Variants in SSH2 observed in about 807,000 individuals in gnomAD.
SSH2 encodes protein phosphatase Slingshot homolog 2.
Under a neutral mutation model 135.2 loss-of-function variants are expected in SSH2, and 37 were observed. The ratio of observed to expected loss-of-function variants is 0.27; its 90% confidence interval spans 0.21 to 0.36. The LOEUF is 0.36. SSH2 is among the 10% of genes least tolerant of loss of function. SSH2 has a pLI of 1.00. For missense variants in SSH2, 1,408 were observed against 1,765.3 expected (o/e 0.80, Z 3.63); for synonymous variants, 628 against 646.2 (o/e 0.97, Z 0.43).
chr17:29,926,251 A>C (rs1457320288), intron 1 of SSH2, among the ~76,000 whole-genome samples: 1 of 151,968 alleles, frequency 6.6e-6, no homozygotes, highest in African/African-American at 2.4e-5. Flanking sequence ...CAATTTTCTT[A>C]AAATAGGCCA....
At chr17:29,925,719 TAAAG>T (rs2067052679) in intron 1 of SSH2, among the ~76,000 whole-genome samples, 2 of 148,946 alleles carry the variant, frequency 1.3e-5, no homozygotes, top group African/African-American at 5.0e-5. Context: ...AAAAAAAAAA[TAAAG>T]GAAAGAAAGA....
chr17:29,926,648 T>G (rs542191040), intron 1 of SSH2, among the ~76,000 whole-genome samples: 13 of 152,000 alleles, frequency 8.6e-5, no homozygotes, highest in Non-Finnish European at 1.9e-4. Context: ...AAGTTCAAAC[T>G]CCAAACTCCC....
At chr17:29,772,604 G>A (rs370380985) in intron 3 of SSH2, among the ~76,000 whole-genome samples, 1 of 152,056 alleles carries the variant, frequency 6.6e-6, no homozygotes, top group East Asian at 1.9e-4. Context: ...AGAGAAGATT[G>A]GCATGTGAGT....
At chr17:29,640,509 C>T (rs1259633203) in intron 14 of SSH2, among the ~76,000 whole-genome samples, 1 of 152,100 alleles carries the variant, frequency 6.6e-6, no homozygotes, top group East Asian at 1.9e-4. Context: ...GTGTAACCAG[C>T]AGGGATTTCC....
intron 3 of SSH2, chr17:29,761,294 G>T: frequency 7.8e-7 from 1 of 1,278,354 alleles, no homozygotes; most frequent in Non-Finnish European, 1.0e-6. Flanking sequence ...GGCTCAAAGT[G>T]CACAACTCCG....
intron 1 of SSH2, among the ~76,000 whole-genome samples, chr17:29,892,356 A>G (rs1029186666): frequency 2.0e-5 from 3 of 151,788 alleles, no homozygotes; most frequent in Admixed American, 1.3e-4. Context: ...GGTGTGGATG[A>G]GGGTGTTGCT....
At chr17:29,892,642 A>T (rs911547758) in intron 1 of SSH2, among the ~76,000 whole-genome samples, 12 of 152,116 alleles carry the variant, frequency 7.9e-5, no homozygotes, top group African/African-American at 2.9e-4. Flanking sequence ...TTTGTAAATT[A>T]AAATAAAATA....
chr17:29,823,536 C>T, intron 2 of SSH2, among the ~76,000 whole-genome samples: 1 of 152,064 alleles, frequency 6.6e-6, no homozygotes, highest in South Asian at 2.1e-4. Context: ...CATCGAACTC[C>T]AGGGTACCTC....
chr17:29,820,389 T>G (rs1278635321), intron 2 of SSH2, among the ~76,000 whole-genome samples: 1 of 152,206 alleles, frequency 6.6e-6, no homozygotes, highest in Non-Finnish European at 1.5e-5. Context: ...ATGGGACATG[T>G]CCATTCATTC....
chr17:29,692,436 A>G (rs1017981012), intron 5 of SSH2, among the ~76,000 whole-genome samples: 5 of 152,220 alleles, frequency 3.3e-5, no homozygotes, highest in African/African-American at 1.2e-4. Context: ...TTGTCATTTG[A>G]ACTTTGAATT....
intron 3 of SSH2, among the ~76,000 whole-genome samples, chr17:29,781,168 C>T (rs1432752919): frequency 1.3e-5 from 2 of 152,146 alleles, no homozygotes; most frequent in Non-Finnish European, 2.9e-5. Flanking sequence ...TTAATATAGT[C>T]TTTAACTAGA....
intron 3 of SSH2, among the ~76,000 whole-genome samples, chr17:29,730,229 GGA>G (rs1230842011): frequency 1.3e-5 from 2 of 151,248 alleles, no homozygotes; most frequent in East Asian, 3.9e-4. Flanking sequence ...GGCTGAGGCG[GGA>G]GGACTGCTTG....
Position 29,636,822 on chromosome 17 carries a change from G to T in SSH2, c.1428-20C>A. 1 of 1,513,358 alleles carries T rather than the reference G, an allele frequency of 6.6e-7. No homozygotes were observed. The highest frequency in any genetic ancestry group is 9.1e-7 in the Non-Finnish European group (1 of 1,103,594). The allele number at this position is 1,513,358 out of a possible 1,614,324, so 93.7% of individuals were successfully genotyped here. ...TGTTTGCTGTGGAGGACATACACAG[G>T]AAGTATCTTAATCTGGTTTGTAAAG... is the stretch of plus-strand genomic sequence containing the variant. On this transcript the variant is annotated intron_variant, in intron 14 of 15. Coordinates refer to ENST00000540801, the MANE Select transcript of SSH2 (RefSeq NM_001282129.2).
chr17:29,677,535 T>A, intron 7 of SSH2, 138 bp downstream of exon 7: 2 of 722,160 alleles, frequency 2.8e-6, no homozygotes, highest in East Asian at 2.5e-5. Flanking sequence ...AAAACAGGAG[T>A]TTAAAAGGAC....
At chr17:29,723,754 C>T (rs534142632) in intron 3 of SSH2, among the ~76,000 whole-genome samples, 3 of 152,222 alleles carry the variant, frequency 2.0e-5, no homozygotes, top group Middle Eastern at 3.4e-3. Context: ...TGAGAAAGCC[C>T]ACATTTGTCA....
intron 2 of SSH2, among the ~76,000 whole-genome samples, chr17:29,833,663 CCTTCCTT>C (rs967348400): frequency 4.0e-5 from 6 of 149,100 alleles, no homozygotes; most frequent in East Asian, 4.0e-4. Flanking sequence ...TTCCTTCCTT[CCTTCCTT>C]CTTTCCTTCC....
intron 1 of SSH2, among the ~76,000 whole-genome samples, chr17:29,889,059 TA>T (rs2066297705): frequency 6.6e-6 from 1 of 151,070 alleles, no homozygotes; most frequent in Non-Finnish European, 1.5e-5. Context: ...AAAATGGTGC[TA>T]AGACACCTGC....
At chr17:29,724,319 G>C (rs547311087) in intron 3 of SSH2, among the ~76,000 whole-genome samples, 198 of 152,066 alleles carry the variant, frequency 1.3e-3, no homozygotes, top group African/African-American at 4.6e-3. Flanking sequence ...GCCTGAGGTC[G>C]GGAGTTCAAG....
chr17:29,850,237 A>T (rs1427755921), intron 1 of SSH2, among the ~76,000 whole-genome samples: 6 of 152,156 alleles, frequency 3.9e-5, no homozygotes, highest in African/African-American at 1.4e-4. Flanking sequence ...ACAACTCAAA[A>T]AAGGGAACAG....
Sources: allele counts gnomAD v4.1 joint callset (sites outside exome capture counted in the v4.1 genomes callset), GRCh38; gene constraint gnomAD v4.1.1; transcripts MANE v1.5; gene names NCBI Gene and HGNC (gene_info 2026-07-23, HGNC 2026-07-21).